Variants in NATD1 observed in about 807,000 individuals in gnomAD.
NATD1 encodes the protein N-acetyltransferase domain containing 1.
In NATD1, 9 loss-of-function variants were observed where a neutral mutation model predicts 12.0. The observed-to-expected ratio is 0.75, with a 90% CI of 0.45 to 1.30. The LOEUF is 1.30. Among genes scored for constraint, NATD1 ranks in the 50% most tolerant of loss-of-function variants. NATD1 has a pLI of 0.00. For missense variants in NATD1, 148 were observed against 148.5 expected (o/e 1.00, Z 0.02); for synonymous variants, 71 against 65.9 (o/e 1.08, Z -0.37).
At chr17:21,251,293 GA>G (rs923554742) in intron 1 of NATD1, among the ~76,000 whole-genome samples, 1,819 of 85,540 alleles carry the variant, frequency 0.021, 20 homozygotes, top group Middle Eastern at 0.041. Flanking sequence ...GAAAGAAAAA[GA>G]AAAAAAAAAA....
chr17:21,247,164 T>C (rs1975332631), intron 1 of NATD1, among the ~76,000 whole-genome samples: 1 of 152,222 alleles, frequency 6.6e-6, no homozygotes, highest in South Asian at 2.1e-4. Context: ...AGAACTTCTC[T>C]GCCTCCCATT....
At chr17:21,249,784 C>T (rs533166241) in intron 1 of NATD1, among the ~76,000 whole-genome samples, 2 of 152,196 alleles carry the variant, frequency 1.3e-5, no homozygotes, top group African/African-American at 2.4e-5. Context: ...CTTCAGAAAC[C>T]GTCCTCAGAT....
At position 21,241,005 on chromosome 17, in the gene NATD1, TC is replaced by T. The variant is rs1485309486; in HGVS notation, c.*2307del. On this transcript the variant is annotated 3_prime_UTR_variant, in exon 3 of 3. Transcript: ENST00000611551. ...ATACCTGCGGGAGCTTGATGAGGCC[TC>T]ATGAGAAAGCCCTAGTCTCAGTTCC... is the stretch of plus-strand genomic sequence containing the variant. 1 of 152,654 alleles carries T rather than the reference TC, an allele frequency of 6.6e-6. No homozygotes were observed. Among genetic ancestry groups the T allele is most frequent in the African/African-American group, 2.4e-5 (1 of 41,460 alleles). 9.5% of individuals were successfully genotyped at this position (152,654 alleles called of 1,614,324 possible).
Position 21,240,012 on chromosome 17 carries a change from C to A in NATD1, c.*3301G>T. The stretch of plus-strand genomic sequence containing the variant: ...GGGCATGTGTTATCATGAGGCTGGG[C>A]CTCACCTCCCTGCATTGGACCAGAA... On this transcript the variant is annotated 3_prime_UTR_variant, in exon 3 of 3. Coordinates refer to ENST00000611551, the MANE Select transcript of NATD1 (RefSeq NM_152914.3). 1 of 152,414 alleles carries A rather than the reference C, an allele frequency of 6.6e-6. No individual in the cohort carries two copies. 9.4% of individuals were successfully genotyped at this position (152,414 alleles called of 1,614,324 possible). A position where few individuals can be genotyped will look rare whatever the true frequency, so the allele number is the denominator to read the frequency against.
intron 1 of NATD1, 42 bp downstream of exon 1, chr17:21,253,117 C>T (rs1392054158): frequency 1.1e-5 from 11 of 976,198 alleles, no homozygotes; most frequent in Non-Finnish European, 1.3e-5. Flanking sequence ...GGGCCCCGCT[C>T]GCTCGCAGAC....
chr17:21,249,711 G>A (rs925765523), intron 1 of NATD1, among the ~76,000 whole-genome samples: 5 of 152,176 alleles, frequency 3.3e-5, no homozygotes, highest in African/African-American at 1.2e-4. Context: ...TGCCTGTGAG[G>A]GAAAGGGAAG....
At chr17:21,248,568 G>A (rs1429162526) in intron 1 of NATD1, among the ~76,000 whole-genome samples, 3 of 152,116 alleles carry the variant, frequency 2.0e-5, no homozygotes, top group Admixed American at 6.5e-5. Context: ...CTGACCACCC[G>A]CAGCCCCCAT....
At chr17:21,246,590 G>A (rs1466006694) in intron 1 of NATD1, among the ~76,000 whole-genome samples, 1 of 152,132 alleles carries the variant, frequency 6.6e-6, no homozygotes, top group African/African-American at 2.4e-5. Context: ...GGGAGGCTGA[G>A]GCGGGAGAAT....
chr17:21,250,792 C>T (rs920939940), intron 1 of NATD1, among the ~76,000 whole-genome samples: 6 of 152,160 alleles, frequency 3.9e-5, no homozygotes, highest in African/African-American at 1.2e-4. Context: ...AACCAGAGCT[C>T]GCAGGAAGAG....
At chr17:21,252,891 T>G (rs1975391534) in intron 1 of NATD1, among the ~76,000 whole-genome samples, 1 of 151,236 alleles carries the variant, frequency 6.6e-6, no homozygotes, top group Non-Finnish European at 1.5e-5. Context: ...TGGCCCCTGC[T>G]CTCCCGGGAA....
chr17:21,253,298 G>C lies in NATD1; in HGVS notation c.-34C>G, dbSNP rs1276883921. 5.4e-6 allele frequency: 5 copies of C among 925,504 alleles called. No individual in the cohort carries two copies. Among genetic ancestry groups the C allele is most frequent in the Non-Finnish European group, 6.4e-6 (5 of 776,340 alleles). The allele number at this position is 925,504 out of a possible 1,614,324, so 57.3% of individuals were successfully genotyped here. ...GGGGCTGCGGCGCGGCGCCGGCGGG[G>C]GCCGGGGCGCGCGGGGAAAGGTCAG... On this transcript the variant is annotated 5_prime_UTR_variant, in exon 1 of 3. Coordinates refer to ENST00000611551, the MANE Select transcript of NATD1 (RefSeq NM_152914.3).
At chr17:21,249,572 G>A (rs1406910396) in intron 1 of NATD1, among the ~76,000 whole-genome samples, 1 of 152,218 alleles carries the variant, frequency 6.6e-6, no homozygotes, top group Non-Finnish European at 1.5e-5. Context: ...GAGGCCAGGG[G>A]CAGCAGCTGA....
At chr17:21,246,199 C>T (rs904462573) in intron 1 of NATD1, among the ~76,000 whole-genome samples, 4 of 152,118 alleles carry the variant, frequency 2.6e-5, no homozygotes, top group Non-Finnish European at 5.9e-5. Context: ...GATGAAGACA[C>T]ACAATAAGTA....
At chr17:21,243,990 GGACCC>G in intron 2 of NATD1, 111 bp downstream of exon 2, 2 of 890,860 alleles carry the variant, frequency 2.2e-6, no homozygotes, top group Non-Finnish European at 3.4e-6. Flanking sequence ...GGCCCAGAGA[GGACCC>G]AGGGCCAAGA....
rs1339366151 is a variant in NATD1, at chr17:21,246,301, T to G, written c.107-2077A>C. ...GGCCGAGGTGGGTGGATCACCTGAG[T>G]TCAGGAGTTCGAGACCAGCCTGGCC... On this transcript the variant is annotated intron_variant, in intron 1 of 2. Transcript: ENST00000611551. 2.6e-5 allele frequency among the ~76,000 whole-genome samples: 4 copies of G among 151,792 alleles called. No individual in the cohort carries two copies. The East Asian group carries it at 7.7e-4, about 29-fold the overall frequency.
rs1234491328 is a variant in NATD1 at position 21,240,637 on chromosome 17, G to A, written c.*2676C>T. The A allele has an allele frequency of 6.6e-6, 1 of 152,638 alleles. No homozygotes were observed. The highest frequency in any genetic ancestry group is 1.5e-5 in the Non-Finnish European group (1 of 68,118). 9.5% of individuals were successfully genotyped at this position (152,638 alleles called of 1,614,324 possible). A position where few individuals can be genotyped will look rare whatever the true frequency, so the allele number is the denominator to read the frequency against. ...CAAGAAATACAAACCCACAGGGTGAGGCGGGCAGAAAAGCAGCTCTGTGGG... is the reference window on the plus strand; with the variant it reads ...CAAGAAATACAAACCCACAGGGTGAAGCGGGCAGAAAAGCAGCTCTGTGGG... On this transcript the variant is annotated 3_prime_UTR_variant, in exon 3 of 3. Coordinates refer to ENST00000611551, the MANE Select transcript of NATD1 (RefSeq NM_152914.3).
At position 21,244,248 on chromosome 17, in the gene NATD1, G is replaced by A. The variant is rs117686583; in HGVS notation, c.107-24C>T. ...TCCTGGGGGTTGTGGAGACAGGTAA[G>A]CCTATGCTGACTCCCATCCCAGCGG... On this transcript the variant is annotated intron_variant, in intron 1 of 2. Coordinates refer to ENST00000611551, the MANE Select transcript of NATD1 (RefSeq NM_152914.3). The surrounding 1 kb of genome is among the most constrained non-coding windows in gnomAD (Gnocchi z 5.2). 5.3e-5 allele frequency: 84 copies of A among 1,594,700 alleles called. No individual in the cohort carries two copies. In the East Asian group the frequency reaches 1.8e-3, roughly 35 times the overall value.
intron 1 of NATD1, 53 bp downstream of exon 1, chr17:21,253,106 C>T: frequency 1.1e-6 from 1 of 935,542 alleles, no homozygotes; most frequent in Non-Finnish European, 1.3e-6. Flanking sequence ...GCGGCCCCGG[C>T]GGGCCCCGCT....
chr17:21,253,096 G>T, intron 1 of NATD1, 63 bp downstream of exon 1: 1 of 878,280 alleles, frequency 1.1e-6, no homozygotes, highest in East Asian at 1.1e-4. Flanking sequence ...CAGCAAGGGG[G>T]CGGCCCCGGC....
Sources: allele counts gnomAD v4.1 joint callset (sites outside exome capture counted in the v4.1 genomes callset), GRCh38; gene constraint gnomAD v4.1.1; non-coding constraint Gnocchi (gnomAD v3.1); transcripts MANE v1.5; gene names NCBI Gene and HGNC (gene_info 2026-07-23, HGNC 2026-07-21).